The following FBN1 variants were observed in gnomAD, a reference collection of about 807,000 sequenced individuals.
FBN1 encodes fibrillin 1.
FBN1 carries 29 observed loss-of-function variants against 365.1 expected under a neutral mutation model. That is an observed-to-expected ratio of 0.08 (90% confidence interval 0.06 to 0.11). FBN1 has a LOEUF of 0.11. Ranked by LOEUF, FBN1 falls within the 10% of genes least tolerant of loss-of-function variation. The pLI is 1.00. For synonymous variants in FBN1, 1,210 were observed against 1,270.5 expected (o/e 0.95, Z 1.01); for missense variants, 2,476 against 3,703.2 (o/e 0.67, Z 8.60).
At position 48,413,449 on chromosome 15, in the gene FBN1, T is replaced by A. The variant is rs73390284; in HGVS notation, c.8052-706A>T. Reference sequence around the variant, plus strand: ...ATGTGAAGATGGATAAACAAACCCATGCCCAAGAGAGAACTCGTTCAGCTG... The same window carrying A: ...ATGTGAAGATGGATAAACAAACCCAAGCCCAAGAGAGAACTCGTTCAGCTG... On this transcript the variant is annotated intron_variant, in intron 64 of 65. Transcript: ENST00000316623. 7.1e-3 allele frequency among the ~76,000 whole-genome samples: 1,081 copies of A among 152,340 alleles called. 15 individuals are homozygous for A. Among genetic ancestry groups the A allele is most frequent in the African/African-American group, 0.025 (1,056 of 41,572 alleles).
chr15:48,431,985 A>T (rs949257261), intron 55 of FBN1, among the ~76,000 whole-genome samples: 2 of 152,200 alleles, frequency 1.3e-5, no homozygotes, highest in South Asian at 4.1e-4. Context: ...TGATAATATT[A>T]GTAAACAGGA....
Position 48,448,870 on chromosome 15 carries a change from G to A in FBN1, c.5569C>T (p.Pro1857Ser), listed in dbSNP as rs2043179615. ...CACTGCCCATGACTGCATATATTGG[G>A]GATTTCTTGACATTCATTACGATCT... ...CNDRNECQEI[P>S]NICSHGQCID... Residue 1857 changes from proline to serine, a missense_variant, in exon 46 of 66, where the codon CCC becomes TCC. Transcript: ENST00000316623. The A allele has an allele frequency of 6.2e-7, 1 of 1,612,174 alleles. No individual in the cohort carries two copies. Among genetic ancestry groups the A allele is most frequent in the Non-Finnish European group, 8.5e-7 (1 of 1,178,642 alleles).
Position 48,470,756 on chromosome 15 carries a change from T to C in FBN1, c.4337A>G (p.Asp1446Gly), listed in dbSNP as rs397515806. 1 of 1,613,962 alleles carries C rather than the reference T, an allele frequency of 6.2e-7. No individual in the cohort carries two copies. Reference protein sequence around the residue: ...VPSADGKACEDIDECSLPNIC... With the variant: ...VPSADGKACEGIDECSLPNIC... Reference sequence around the variant, plus strand: ...GTTCGGAAGGGAGCACTCATCAATATCTTGGGGGGAGGGAGAAAAAAGCAA... The same window carrying C: ...GTTCGGAAGGGAGCACTCATCAATACCTTGGGGGGAGGGAGAAAAAAGCAA... Residue 1446 changes from aspartate to glycine, a missense_variant and splice_region_variant, in exon 36 of 66, where the codon GAT becomes GGT. Physicochemically the swap from Asp to Gly is moderately conservative, Grantham distance 94 (BLOSUM62 -1). Transcript: ENST00000316623.
chr15:48,517,099 G>A (rs2043811099), intron 10 of FBN1, among the ~76,000 whole-genome samples: 1 of 152,056 alleles, frequency 6.6e-6, no homozygotes, highest in Non-Finnish European at 1.5e-5. Context: ...TGCCTGGACG[G>A]GAAAAATCAT....
rs766125141 is a variant in FBN1, at chr15:48,410,786, CAT to C, written c.*202_*203del. 38 of 583,418 alleles carry C rather than the reference CAT, an allele frequency of 6.5e-5. No homozygotes were observed. The highest frequency in any genetic ancestry group is 4.1e-4 in the South Asian group (19 of 46,784). 36.1% of individuals were successfully genotyped at this position (583,418 alleles called of 1,614,324 possible). ...TATGACAAGGTAGCTTAGCTACACA[CAT>C]GAGAAGCCTGAGAAAGTGGTTGTTT... On this transcript the variant is annotated 3_prime_UTR_variant, in exon 66 of 66. Coordinates refer to ENST00000316623, the MANE Select transcript of FBN1 (RefSeq NM_000138.5).
At chr15:48,612,870 G>A (rs2044667520) in intron 3 of FBN1, 140 bp downstream of exon 3, 7 of 739,884 alleles carry the variant, frequency 9.5e-6, no homozygotes, top group Admixed American at 5.9e-5. Flanking sequence ...AACTGGAAAG[G>A]TAGAAAAGTC....
At chr15:48,536,327 G>A (rs976893814) in intron 7 of FBN1, among the ~76,000 whole-genome samples, 2 of 152,120 alleles carry the variant, frequency 1.3e-5, no homozygotes, top group African/African-American at 4.8e-5. Context: ...AAGCTAAAGA[G>A]AAGGCAGTTC....
chr15:48,422,031 C>T lies in FBN1; in HGVS notation c.7491G>A (p.Gln2497=), dbSNP rs775174057. 5 of 1,614,070 alleles carry T rather than the reference C, an allele frequency of 3.1e-6. No homozygotes were observed. Among genetic ancestry groups the T allele is most frequent in the Non-Finnish European group, 4.2e-6 (5 of 1,179,946 alleles). ...DECATKQHNC[Q]FLCVNTIGGF... is the part of the protein sequence containing the mutation. The stretch of plus-strand genomic sequence containing the variant: ...CGCCAATGGTGTTAACACATAGGAA[C>T]TGGCAGTTGTGTTGCTTGGTTGCAC... Residue 2497 remains glutamine (Q), a synonymous_variant, in exon 61 of 66, where the codon CAG becomes CAA. Transcript: ENST00000316623.
chr15:48,566,591 TA>T, intron 6 of FBN1, among the ~76,000 whole-genome samples: 1 of 152,226 alleles, frequency 6.6e-6, no homozygotes, highest in Non-Finnish European at 1.5e-5. Flanking sequence ...TGTTGTAGCA[TA>T]AAACTTTGGG....
At chr15:48,435,533 A>G (rs2141238100) in intron 53 of FBN1, among the ~76,000 whole-genome samples, 1 of 152,220 alleles carries the variant, frequency 6.6e-6, no homozygotes, top group African/African-American at 2.4e-5. Context: ...TCAAGATTCA[A>G]GTAGATTGTG....
chr15:48,483,709 T>C, intron 31 of FBN1, 109 bp downstream of exon 31: 1 of 1,311,376 alleles, frequency 7.6e-7, no homozygotes, highest in Non-Finnish European at 1.1e-6. Context: ...CTAAATATCC[T>C]TACTTTTCCT....
chr15:48,576,725 A>T (rs2044351214), intron 6 of FBN1, among the ~76,000 whole-genome samples: 1 of 152,222 alleles, frequency 6.6e-6, no homozygotes, highest in Non-Finnish European at 1.5e-5. Context: ...GTAGCTAAGG[A>T]TACAACAAAG....
intron 27 of FBN1, 90 bp from the exon 28 acceptor site, chr15:48,487,527 A>C (rs1221577954): frequency 6.5e-7 from 1 of 1,539,984 alleles, no homozygotes; most frequent in Non-Finnish European, 8.9e-7. Flanking sequence ...CTGGGTGTCC[A>C]TCTTGACCTC....
At chr15:48,615,445 A>G (rs1312814908) in intron 2 of FBN1, among the ~76,000 whole-genome samples, 1 of 152,166 alleles carries the variant, frequency 6.6e-6, no homozygotes, top group Non-Finnish European at 1.5e-5. Context: ...TATTCTAAAG[A>G]TTTTCCAAGG....
intron 12 of FBN1, among the ~76,000 whole-genome samples, chr15:48,515,043 A>G (rs562865282): frequency 6.6e-6 from 1 of 152,330 alleles, no homozygotes; most frequent in Admixed American, 6.5e-5. Flanking sequence ...AGAGAGAGCC[A>G]GAGAGAGACA....
At chr15:48,637,470 C>T (rs1890114816) in intron 2 of FBN1, among the ~76,000 whole-genome samples, 1 of 152,222 alleles carries the variant, frequency 6.6e-6, no homozygotes, top group South Asian at 2.1e-4. Context: ...GCACTCGTTT[C>T]ATAGACTGCA....
intron 32 of FBN1, among the ~76,000 whole-genome samples, chr15:48,475,484 A>C (rs373319832): frequency 3.0e-4 from 46 of 152,334 alleles, no homozygotes; most frequent in African/African-American, 1.1e-3. Context: ...ATAAAGTACT[A>C]AGTGAAAATT....
intron 10 of FBN1, among the ~76,000 whole-genome samples, chr15:48,519,904 T>C (rs1463613472): frequency 6.6e-6 from 1 of 152,170 alleles, no homozygotes; most frequent in African/African-American, 2.4e-5. Context: ...CCTGGGGAAA[T>C]ATTTTTGGAC....
chr15:48,509,942 T>C, intron 14 of FBN1, 102 bp downstream of exon 14: 1 of 1,244,474 alleles, frequency 8.0e-7, no homozygotes, highest in Non-Finnish European at 1.2e-6. Context: ...ATAAAACATA[T>C]TTGATACTTT....
Sources: allele counts gnomAD v4.1 joint callset (sites outside exome capture counted in the v4.1 genomes callset), GRCh38; gene constraint gnomAD v4.1.1; transcripts MANE v1.5; gene names NCBI Gene and HGNC (gene_info 2026-07-23, HGNC 2026-07-21).